Variants in CCDC86 observed in about 807,000 individuals in gnomAD.
The protein encoded by CCDC86 is coiled-coil domain containing 86, also known as coiled-coil domain-containing protein 86.
Under a neutral mutation model 36.7 loss-of-function variants are expected in CCDC86, and 28 were observed. The ratio of observed to expected loss-of-function variants is 0.76; its 90% CI spans 0.57 to 1.05. The LOEUF (loss-of-function observed/expected upper bound fraction) is 1.05. Ranked by LOEUF, CCDC86 falls within the 50% of genes least tolerant of loss-of-function variation. CCDC86 has a pLI of 0.00. For missense variants in CCDC86, 453 were observed against 470.2 expected (o/e 0.96, Z 0.34); for synonymous variants, 199 against 203.4 (o/e 0.98, Z 0.18).
In CCDC86 at chr11:60,842,132, C is replaced by T; in HGVS notation, c.8C>T (p.Thr3Ile). The change falls in exon 1 of 4, where the codon ACA becomes ATA. Residue 3 changes from threonine to isoleucine, a missense_variant. Physicochemically the swap from Thr to Ile is moderately conservative, Grantham distance 89. Transcript: ENST00000227520. MD[T>I]PLRRSRRLGG... ...AAACTTACCGGCTGAGCCATGGATA[C>T]ACCGTTAAGGCGCAGCCGACGGCTG... 3 of 1,577,348 alleles carry T rather than the reference C, an allele frequency of 1.9e-6. No individual in the cohort carries two copies. The highest frequency in any genetic ancestry group is 2.3e-5 in the East Asian group (1 of 44,056).
chr11:60,845,946 G>A lies in CCDC86; in HGVS notation c.759-1978G>A, dbSNP rs186034053. On this transcript the variant is annotated intron_variant, in intron 1 of 3. Transcript: ENST00000227520. The stretch of plus-strand genomic sequence containing the variant: ...GTACCTTAGCCGCCAGCCACATGTG[G>A]CTATGTACATTTAAATTAATTAAAA... Among the ~76,000 whole-genome samples the A allele has an allele frequency of 2.8e-3, 426 of 152,300 alleles. 14 individuals are homozygous for A. Among genetic ancestry groups the A allele is most frequent in the Admixed American group, 0.024 (367 of 15,310 alleles).
chr11:60,842,317 A>G lies in CCDC86; in HGVS notation c.193A>G (p.Thr65Ala), dbSNP rs1333623223. ...GLGSPERPPK[T>A]SPGSPRLQQG... is the part of the protein sequence containing the mutation. The stretch of plus-strand genomic sequence containing the variant: ...GGGGTCCCCCGAAAGGCCGCCGAAG[A>G]CAAGCCCAGGATCACCCCGTCTGCA... Residue 65 changes from threonine (T) to alanine (A), a missense_variant, in exon 1 of 4, where the codon ACA becomes GCA. By Grantham distance (58) the Thr-to-Ala change is moderately conservative. Transcript: ENST00000227520. The G allele has an allele frequency of 6.2e-7, 1 of 1,613,618 alleles. No homozygotes were observed. The highest frequency in any genetic ancestry group is 8.5e-7 in the Non-Finnish European group (1 of 1,179,938).
rs201797798 is a variant in CCDC86, at chr11:60,849,900, C to T, written c.889-40C>T. The T allele has an allele frequency of 2.1e-3, 3,368 of 1,576,796 alleles. 5 individuals are homozygous for T. Among genetic ancestry groups the T allele is most frequent in the Non-Finnish European group, 2.7e-3 (3,162 of 1,151,116 alleles). On this transcript the variant is annotated intron_variant, in intron 2 of 3. Coordinates refer to ENST00000227520, the MANE Select transcript of CCDC86 (RefSeq NM_024098.4). Reference sequence around the variant, plus strand: ...GGGGCCTGAGAGACCAGGGCTGCCTCTGCTCCCCGACTCAAATCCCCTTCT... The same window carrying T: ...GGGGCCTGAGAGACCAGGGCTGCCTTTGCTCCCCGACTCAAATCCCCTTCT...
chr11:60,842,144 G>A lies in CCDC86; in HGVS notation c.20G>A (p.Arg7His). 6.3e-7 allele frequency: 1 copy of A among 1,593,906 alleles called. No individual in the cohort carries two copies. Among genetic ancestry groups the A allele is most frequent in the Non-Finnish European group, 8.5e-7 (1 of 1,171,112 alleles). MDTPLR[R>H]SRRLGGLRPE... Reference sequence around the variant, plus strand: ...TGAGCCATGGATACACCGTTAAGGCGCAGCCGACGGCTGGGAGGCCTAAGG... The same window carrying A: ...TGAGCCATGGATACACCGTTAAGGCACAGCCGACGGCTGGGAGGCCTAAGG... Residue 7 changes from arginine (R) to histidine (H), a missense_variant, in exon 1 of 4, where the codon CGC (arginine) becomes CAC (histidine). Coordinates refer to ENST00000227520, the MANE Select transcript of CCDC86 (RefSeq NM_024098.4).
chr11:60,843,953 G>A (rs1855154796), intron 1 of CCDC86, among the ~76,000 whole-genome samples: 1 of 152,238 alleles, frequency 6.6e-6, no homozygotes, highest in Non-Finnish European at 1.5e-5. Context: ...TCTCCCATGG[G>A]AGAGACTTTG....
chr11:60,846,686 T>C (rs902120129), intron 1 of CCDC86, among the ~76,000 whole-genome samples: 4 of 152,162 alleles, frequency 2.6e-5, no homozygotes, highest in African/African-American at 9.7e-5. Flanking sequence ...GCGATTCTCC[T>C]GCCTCAGCCT....
At chr11:60,848,174 C>A in intron 2 of CCDC86, 121 bp downstream of exon 2, 1 of 1,293,112 alleles carries the variant, frequency 7.7e-7, no homozygotes, top group Non-Finnish European at 1.0e-6. Flanking sequence ...AAAAAACGTT[C>A]TTGAATCTGA....
At chr11:60,846,884 AT>A (rs10717501) in intron 1 of CCDC86, among the ~76,000 whole-genome samples, 108,896 of 151,408 alleles carry the variant, frequency 0.72, 39,422 homozygotes, top group East Asian at 0.92. Context: ...GATCTTTGGC[AT>A]TTTTTTTTCC....
intron 1 of CCDC86, 100 bp downstream of exon 1, chr11:60,842,982 A>C (rs1248717310): frequency 1.4e-6 from 2 of 1,429,428 alleles, no homozygotes; most frequent in Admixed American, 2.7e-5. Flanking sequence ...AGGGTTAGAG[A>C]GAGCTCACGT....
chr11:60,845,510 A>G (rs1241927399), intron 1 of CCDC86, among the ~76,000 whole-genome samples: 1 of 152,188 alleles, frequency 6.6e-6, no homozygotes, highest in Non-Finnish European at 1.5e-5. Flanking sequence ...GATGTTTGGG[A>G]TCTTTGAGGG....
chr11:60,848,136 C>T (rs978516554), intron 2 of CCDC86, 83 bp downstream of exon 2: 15 of 1,493,216 alleles, frequency 1.0e-5, no homozygotes, highest in Middle Eastern at 1.8e-4. Context: ...AGGGCCTCCA[C>T]GGGTGCCTGG....
chr11:60,842,619 C>G lies in CCDC86; in HGVS notation c.495C>G (p.Pro165=). ...PPVPGSPEPY[P]GQQAPGPEPS... ...TCCCAGGATCACCAGAGCCTTACCC[C>G]GGTCAGCAAGCTCCCGGTCCGGAGC... The change falls in exon 1 of 4, where the codon CCC becomes CCG. Residue 165 remains proline (P), a synonymous_variant. Coordinates refer to ENST00000227520, the MANE Select transcript of CCDC86 (RefSeq NM_024098.4). 1 of 1,613,638 alleles carries G rather than the reference C, an allele frequency of 6.2e-7. No individual in the cohort carries two copies. The highest frequency in any genetic ancestry group is 8.5e-7 in the Non-Finnish European group (1 of 1,179,902).
In CCDC86 at chr11:60,842,474, A is replaced by G. The variant is rs1237234073; in HGVS notation, c.350A>G (p.Gln117Arg). 2 of 1,613,644 alleles carry G rather than the reference A, an allele frequency of 1.2e-6. No homozygotes were observed. Among genetic ancestry groups the G allele is most frequent in the East Asian group, 4.5e-5 (2 of 44,866 alleles). ...PEYSPESPRC[Q>R]PKPSEEAPKC... ...TACAGTCCTGAATCCCCACGATGTC[A>G]GCCGAAGCCAAGTGAGGAGGCACCA... Residue 117 changes from glutamine (Q) to arginine (R), a missense_variant, in exon 1 of 4, where the codon CAG becomes CGG. Coordinates refer to ENST00000227520, the MANE Select transcript of CCDC86 (RefSeq NM_024098.4).
At chr11:60,848,513 G>A (rs186266080) in intron 2 of CCDC86, among the ~76,000 whole-genome samples, 4 of 152,228 alleles carry the variant, frequency 2.6e-5, no homozygotes, top group Non-Finnish European at 5.9e-5. Flanking sequence ...GATGGCCCCC[G>A]CACCTTTCCT....
chr11:60,849,863 T>C, intron 2 of CCDC86, 77 bp from the exon 3 acceptor site: 1 of 1,258,170 alleles, frequency 7.9e-7, no homozygotes, highest in Non-Finnish European at 1.1e-6. Context: ...TTCTGCCCGC[T>C]CGCACTCTTC....
chr11:60,850,210 G>C lies in CCDC86; in HGVS notation c.968G>C (p.Arg323Pro). 1 of 1,614,100 alleles carries C rather than the reference G, an allele frequency of 6.2e-7. No individual in the cohort carries two copies. The highest frequency in any genetic ancestry group is 8.5e-7 in the Non-Finnish European group (1 of 1,179,996). ...ERKAEVVQVI[R>P]NPAKLKRAKK... ...CTCCCCTCATACCACCCCCAGATCC[G>C]AAACCCCGCCAAGCTCAAGCGGGCA... The change falls in exon 4 of 4, where the codon CGA becomes CCA. Residue 323 changes from arginine to proline, a missense_variant. Physicochemically the swap from Arg to Pro is moderately radical, Grantham distance 103. Coordinates refer to ENST00000227520, the MANE Select transcript of CCDC86 (RefSeq NM_024098.4).
At chr11:60,845,511 T>A (rs1855171933) in intron 1 of CCDC86, among the ~76,000 whole-genome samples, 1 of 152,142 alleles carries the variant, frequency 6.6e-6, no homozygotes, top group Admixed American at 6.5e-5. Flanking sequence ...ATGTTTGGGA[T>A]CTTTGAGGGA....
At chr11:60,844,469 C>G (rs1160617748) in intron 1 of CCDC86, among the ~76,000 whole-genome samples, 1 of 152,186 alleles carries the variant, frequency 6.6e-6, no homozygotes, top group Non-Finnish European at 1.5e-5. Flanking sequence ...ATGTGTGACG[C>G]TCCCTCCTTC....
intron 3 of CCDC86, 62 bp from the exon 4 acceptor site, chr11:60,850,144 C>T: frequency 6.2e-7 from 1 of 1,610,606 alleles, no homozygotes. Context: ...GCCTTCCTCT[C>T]CCCTGGGAAT....
Sources: allele counts gnomAD v4.1 joint callset (sites outside exome capture counted in the v4.1 genomes callset), GRCh38; gene constraint gnomAD v4.1.1; transcripts MANE v1.5; gene names NCBI Gene and HGNC (gene_info 2026-07-23, HGNC 2026-07-21).